Variants in ICAM2 observed in about 807,000 individuals in gnomAD.
The protein encoded by ICAM2 is intercellular adhesion molecule 2.
Under a neutral mutation model 19.1 loss-of-function variants are expected in ICAM2, and 14 were observed. The observed-to-expected ratio is 0.73, with a 90% CI of 0.48 to 1.15. ICAM2 has a LOEUF of 1.15. Ranked by LOEUF, ICAM2 falls within the 50% of genes most tolerant of loss-of-function variation. ICAM2 has a pLI of 0.00. For synonymous variants in ICAM2, 153 were observed against 152.7 expected (o/e 1.00, Z -0.01); for missense variants, 311 against 355.4 (o/e 0.88, Z 1.00).
At chr17:64,013,512 A>C (rs1911535855) in intron 1 of ICAM2, among the ~76,000 whole-genome samples, 1 of 152,050 alleles carries the variant, frequency 6.6e-6, no homozygotes, top group Non-Finnish European at 1.5e-5. Flanking sequence ...AAAAAGAAAA[A>C]AAAAATACTA....
intron 3 of ICAM2, 78 bp from the exon 4 acceptor site, chr17:64,004,042 C>T (rs529719600): frequency 1.8e-6 from 2 of 1,121,206 alleles, no homozygotes; most frequent in African/African-American, 1.5e-5. Context: ...AGGGCCATCT[C>T]CTGTCACCAT....
chr17:64,005,628 CT>C (rs1392809190), intron 2 of ICAM2, among the ~76,000 whole-genome samples: 1 of 152,144 alleles, frequency 6.6e-6, no homozygotes, highest in African/African-American at 2.4e-5. Flanking sequence ...GCTCTCCTTC[CT>C]CCAGCCCATC....
Position 64,014,637 on chromosome 17 carries a change from AAG to A in ICAM2, c.-45+5884_-45+5885del, listed in dbSNP as rs138783390. Among the ~76,000 whole-genome samples the A allele has an allele frequency of 1.9e-3, 257 of 137,522 alleles. 1 individual carries two copies. Among genetic ancestry groups the A allele is most frequent in the African/African-American group, 6.0e-3 (217 of 36,128 alleles). 90.2% of individuals were successfully genotyped at this position (137,522 alleles called of 152,430 possible). A position where few individuals can be genotyped will look rare whatever the true frequency, so the allele number is the denominator to read the frequency against. ...GGAGGGAGAGAGAGAGAAAGAAAGA[AAG>A]AGAGAGAGAGAAAGAAAGGAAGAAA... On this transcript the variant is annotated intron_variant, in intron 1 of 4. Transcript: ENST00000579788.
rs966556387 is a variant in ICAM2, at chr17:64,006,521, A to G, written c.61+110T>C. ...TAAAACAAAACAAAAAAACCTAAGA[A>G]CCTCAGCAACTTTTGGGACTTCTCT... On this transcript the variant is annotated intron_variant, in intron 2 of 4. Coordinates refer to ENST00000579788, the MANE Select transcript of ICAM2 (RefSeq NM_001099789.2). 65 of 882,306 alleles carry G rather than the reference A, an allele frequency of 7.4e-5. No individual in the cohort carries two copies. The Middle Eastern group carries it at 1.5e-3, about 21-fold the overall frequency. 54.7% of individuals were successfully genotyped at this position (882,306 alleles called of 1,614,324 possible).
chr17:64,010,388 T>A (rs1911401558), intron 1 of ICAM2, among the ~76,000 whole-genome samples: 1 of 151,734 alleles, frequency 6.6e-6, no homozygotes, highest in Non-Finnish European at 1.5e-5. Flanking sequence ...ACTGGAGGAG[T>A]TAAGATAGTT....
In ICAM2 at chr17:64,003,649, A is replaced by T. The variant is rs1460758824; in HGVS notation, c.644T>A (p.Ile215Asn). 1 of 1,612,528 alleles carries T rather than the reference A, an allele frequency of 6.2e-7. No individual in the cohort carries two copies. The highest frequency in any genetic ancestry group is 8.5e-7 in the Non-Finnish European group (1 of 1,179,140). ...HKHSAPKMLEIYEPVSDSQMV... is the reference protein window; with the variant it reads ...HKHSAPKMLENYEPVSDSQMV... ...ATCCACGGATCCCCCCTCACCATAG[A>T]TCTCCAACATCTTCGGGGCTGAGTG... Residue 215 changes from isoleucine to asparagine, a missense_variant, in exon 4 of 5, where the codon ATC (isoleucine) becomes AAC (asparagine). Coordinates refer to ENST00000579788, the MANE Select transcript of ICAM2 (RefSeq NM_001099789.2).
rs1454610441 is a variant in ICAM2 at position 64,006,692 on chromosome 17, C to A, written c.-1G>T. 1 of 1,613,996 alleles carries A rather than the reference C, an allele frequency of 6.2e-7. No individual in the cohort carries two copies. Among genetic ancestry groups the A allele is most frequent in the African/African-American group, 1.3e-5 (1 of 74,942 alleles). ...GGGTCCTGTAACCGAAAGAGGACAT[C>A]TCTGGCAGTCTCCACGGGCTCGCAG... On this transcript the variant is annotated 5_prime_UTR_variant, in exon 2 of 5. Transcript: ENST00000579788.
intron 1 of ICAM2, among the ~76,000 whole-genome samples, chr17:64,014,678 A>AAAGG (rs1169331312): frequency 2.2e-4 from 29 of 130,224 alleles, no homozygotes; most frequent in African/African-American, 8.7e-4. Flanking sequence ...AGAAAGAAAG[A>AAAGG]AAGGAAGGAA....
In ICAM2 at chr17:64,006,793, C is replaced by T. The variant is rs1022068954; in HGVS notation, c.-44-58G>A. The T allele has an allele frequency of 4.0e-6, 4 of 1,002,968 alleles. No individual in the cohort carries two copies. In the African/African-American group the frequency reaches 6.5e-5, roughly 16 times the overall value. 62.1% of individuals were successfully genotyped at this position (1,002,968 alleles called of 1,614,324 possible). On this transcript the variant is annotated intron_variant, in intron 1 of 4. Coordinates refer to ENST00000579788, the MANE Select transcript of ICAM2 (RefSeq NM_001099789.2). ...ATGGCCCAGAATCCCTAGCCTTCTGCAAACTGATGACTGCATTTCCTCTCA... is the reference window on the plus strand; with the variant it reads ...ATGGCCCAGAATCCCTAGCCTTCTGTAAACTGATGACTGCATTTCCTCTCA...
At chr17:64,014,667 G>C (rs147411266) in intron 1 of ICAM2, among the ~76,000 whole-genome samples, 1 of 125,058 alleles carries the variant, frequency 8.0e-6, no homozygotes, top group Non-Finnish European at 1.6e-5. Context: ...GGAAGAAAGA[G>C]AGAAAGAAAG....
chr17:64,016,534 G>C (rs541155033), intron 1 of ICAM2, among the ~76,000 whole-genome samples: 1 of 152,150 alleles, frequency 6.6e-6, no homozygotes, highest in Non-Finnish European at 1.5e-5. Context: ...GAGAGTTAAG[G>C]TCCCTAGAAT....
chr17:64,017,591 C>G (rs1216041614), intron 1 of ICAM2, among the ~76,000 whole-genome samples: 3 of 152,092 alleles, frequency 2.0e-5, no homozygotes, highest in African/African-American at 7.2e-5. Flanking sequence ...AAACTGAAAG[C>G]TGATTTTAAG....
At chr17:64,005,071 CA>C (rs755994018) in intron 3 of ICAM2, 35 bp downstream of exon 3, 23 of 1,612,552 alleles carry the variant, frequency 1.4e-5, no homozygotes, top group Non-Finnish European at 2.0e-5. Flanking sequence ...GCCTCTGTCC[CA>C]GGGGAGAGGA....
chr17:64,019,277 C>G (rs1359404487), intron 1 of ICAM2, among the ~76,000 whole-genome samples: 1 of 152,142 alleles, frequency 6.6e-6, no homozygotes, highest in Admixed American at 6.5e-5. Context: ...CCCAACTAAT[C>G]AGGAGGCTGA....
In ICAM2 at chr17:64,011,058, A is replaced by G. The variant is rs115997693; in HGVS notation, c.-44-4323T>C. Among the ~76,000 whole-genome samples, 916 of 152,344 alleles carry G rather than the reference A, an allele frequency of 6.0e-3. 9 individuals carry two copies. Among genetic ancestry groups the G allele is most frequent in the African/African-American group, 0.02 (838 of 41,576 alleles). ...TTTTAAAATGGGCACAGACCAGCCCAATGTCTCTTGGACTTTATTTAATGC... is the reference window on the plus strand; with the variant it reads ...TTTTAAAATGGGCACAGACCAGCCCGATGTCTCTTGGACTTTATTTAATGC... On this transcript the variant is annotated intron_variant, in intron 1 of 4. Coordinates refer to ENST00000579788, the MANE Select transcript of ICAM2 (RefSeq NM_001099789.2).
intron 3 of ICAM2, chr17:64,004,553 GT>G (rs1296355293): frequency 2.3e-5 from 4 of 170,914 alleles, no homozygotes; most frequent in South Asian, 2.9e-4. Flanking sequence ...GATTTAAGAT[GT>G]TTTTCTGTTC....
At chr17:64,003,538 TG>T in intron 4 of ICAM2, 105 bp downstream of exon 4, 2 of 991,024 alleles carry the variant, frequency 2.0e-6, no homozygotes, top group Non-Finnish European at 3.1e-6. Context: ...GGATGAAGGG[TG>T]GGCTCCTGGG....
rs193193979 is a variant in ICAM2 at position 64,004,280 on chromosome 17, A to G, written c.329-316T>C. On this transcript the variant is annotated intron_variant, in intron 3 of 4. Coordinates refer to ENST00000579788, the MANE Select transcript of ICAM2 (RefSeq NM_001099789.2). Reference sequence around the variant, plus strand: ...CAGAAATGAAATATAAATTTCAAACATTAAACAGTTGGGTGATCACGTTGA... The same window carrying G: ...CAGAAATGAAATATAAATTTCAAACGTTAAACAGTTGGGTGATCACGTTGA... 1.8e-5 allele frequency: 6 copies of G among 328,658 alleles called. No homozygotes were observed. The South Asian group carries it at 2.2e-4, about 12-fold the overall frequency. The allele number at this position is 328,658 out of a possible 1,614,324, so 20.4% of individuals were successfully genotyped here.
chr17:64,004,228 A>C (rs1453275716), intron 3 of ICAM2: 1 of 480,020 alleles, frequency 2.1e-6, no homozygotes, highest in Non-Finnish European at 3.7e-6. Flanking sequence ...GGAAAGATAT[A>C]AAAGTTTGGG....
Sources: gnomAD v4.1 joint callset for allele counts (sites outside exome capture counted in the v4.1 genomes callset) on GRCh38, gnomAD v4.1.1 for gene constraint, MANE v1.5 for transcripts, NCBI Gene and HGNC (gene_info 2026-07-23, HGNC 2026-07-21) for gene names.